The following MRC1 variants were observed in gnomAD, a reference collection of about 807,000 sequenced individuals.
The protein encoded by MRC1 is mannose receptor C-type 1, also known as macrophage mannose receptor 1.
MRC1 carries 62 observed loss-of-function variants against 102.9 expected under a neutral mutation model. The ratio of observed to expected loss-of-function variants is 0.60; its 90% CI spans 0.49 to 0.74. The LOEUF is 0.74. Among genes scored for constraint, MRC1 ranks in the 30% least tolerant of loss-of-function variants. MRC1 has a pLI of 0.00. For missense variants in MRC1, 1,237 were observed against 862.8 expected (o/e 1.43, Z -5.43); for synonymous variants, 457 against 298.4 (o/e 1.53, Z -5.48).
At chr10:17,827,359 GA>G (rs1456594442) in intron 2 of MRC1, among the ~76,000 whole-genome samples, 182 bp from the exon 3 acceptor site, 6 of 53,576 alleles carry the variant, frequency 1.1e-4, no homozygotes, top group Middle Eastern at 0.017. Flanking sequence ...GAAGGAGAAG[GA>G]AAAAAAATAC....
intron 2 of MRC1, among the ~76,000 whole-genome samples, chr10:17,824,711 G>T (rs1838447241): frequency 1.1e-4 from 17 of 152,168 alleles, no homozygotes. Flanking sequence ...AAACTTGACG[G>T]AGTCAAATTC....
intron 8 of MRC1, among the ~76,000 whole-genome samples, chr10:17,853,913 A>T (rs562493745): frequency 6.6e-6 from 1 of 152,070 alleles, no homozygotes; most frequent in Non-Finnish European, 1.5e-5. Flanking sequence ...TGGGAATAAG[A>T]GCTGTACTTA....
chr10:17,846,095 A>T (rs1284724523), intron 6 of MRC1, among the ~76,000 whole-genome samples: 1 of 152,000 alleles, frequency 6.6e-6, no homozygotes, highest in Non-Finnish European at 1.5e-5. Flanking sequence ...TTTAGCAGAG[A>T]TGGTGTTTCG....
chr10:17,832,572 CA>C (rs1309617538), intron 3 of MRC1, among the ~76,000 whole-genome samples: 1 of 147,012 alleles, frequency 6.8e-6, no homozygotes, highest in Non-Finnish European at 1.5e-5. Flanking sequence ...ACAAAACAAA[CA>C]AAAAAAGTTT....
intron 22 of MRC1, among the ~76,000 whole-genome samples, chr10:17,886,016 G>C (rs1833588429): frequency 6.6e-6 from 1 of 152,100 alleles, no homozygotes; most frequent in Non-Finnish European, 1.5e-5. Flanking sequence ...AAAGTGTGAA[G>C]AAATAGAAGA....
Position 17,867,059 on chromosome 10 carries a change from A to C in MRC1, c.1983+298A>C, listed in dbSNP as rs941779971. Among the ~76,000 whole-genome samples, 190 of 150,138 alleles carry C rather than the reference A, an allele frequency of 1.3e-3. 1 individual carries two copies. Among genetic ancestry groups the C allele is most frequent in the African/African-American group, 4.4e-3 (178 of 40,760 alleles). On this transcript the variant is annotated intron_variant, in intron 12 of 29. Transcript: ENST00000569591. ...CTCTCCTTTCTCCCAGGCCTTCTAG[A>C]TCTGCCTCCCTCCATTCCCCCCTTG...
chr10:17,816,871 C>T (rs1838320370), intron 1 of MRC1, among the ~76,000 whole-genome samples: 1 of 152,104 alleles, frequency 6.6e-6, no homozygotes, highest in African/African-American at 2.4e-5. Context: ...GAACAATCAC[C>T]TTTAATAACC....
chr10:17,909,184 A>G, intron 28 of MRC1, 122 bp from the exon 29 acceptor site: 1 of 695,910 alleles, frequency 1.4e-6, no homozygotes. Context: ...ATATCATAAT[A>G]TCATATATCA....
rs1186225227 is a variant in MRC1, at chr10:17,851,523, A to G, written c.1250-1444A>G. On this transcript the variant is annotated intron_variant, in intron 7 of 29. Transcript: ENST00000569591. ...CAACTAATTGATAAAAATCAGCATG[A>G]CAACTTTACACTCACATCTTATATA... 3.3e-5 allele frequency among the ~76,000 whole-genome samples: 5 copies of G among 152,308 alleles called. No homozygotes were observed. The South Asian group carries it at 1.0e-3, about 32-fold the overall frequency.
chr10:17,810,287 G>A (rs1316075456), intron 1 of MRC1, among the ~76,000 whole-genome samples: 1 of 152,014 alleles, frequency 6.6e-6, no homozygotes, highest in African/African-American at 2.4e-5. Context: ...TTCATTCCTG[G>A]TTCTATTTGG....
intron 1 of MRC1, among the ~76,000 whole-genome samples, chr10:17,816,104 AGACT>A (rs1196246594): frequency 1.7e-4 from 26 of 152,320 alleles, no homozygotes; most frequent in Non-Finnish European, 2.9e-4. Flanking sequence ...TCTAAGCCTA[AGACT>A]GACTAACACC....
intron 6 of MRC1, among the ~76,000 whole-genome samples, chr10:17,847,731 T>G (rs1316052165): frequency 6.6e-6 from 1 of 152,250 alleles, no homozygotes; most frequent in African/African-American, 2.4e-5. Flanking sequence ...CTTCTGTGGC[T>G]GCCCCAGGGA....
intron 3 of MRC1, among the ~76,000 whole-genome samples, chr10:17,832,641 G>A (rs1239436179): frequency 1.3e-5 from 2 of 149,762 alleles, no homozygotes; most frequent in African/African-American, 5.0e-5. Flanking sequence ...AGGCTGGAGT[G>A]CAGTGACGCG....
At chr10:17,824,302 T>A (rs1360999661) in intron 2 of MRC1, among the ~76,000 whole-genome samples, 1 of 152,342 alleles carries the variant, frequency 6.6e-6, no homozygotes, top group Non-Finnish European at 1.5e-5. Flanking sequence ...CATTTTAGGT[T>A]TGGATACTTC....
At chr10:17,904,518 T>A (rs2130722336) in intron 26 of MRC1, among the ~76,000 whole-genome samples, 2 of 152,332 alleles carry the variant, frequency 1.3e-5, no homozygotes, top group African/African-American at 4.8e-5. Context: ...CCCTTCTCTC[T>A]CACAGATTTT....
At chr10:17,829,568 A>C (rs1433599825) in intron 3 of MRC1, among the ~76,000 whole-genome samples, 1 of 151,492 alleles carries the variant, frequency 6.6e-6, no homozygotes, top group Non-Finnish European at 1.5e-5. Context: ...TAGATGTCGA[A>C]TTTTGTATTC....
intron 3 of MRC1, among the ~76,000 whole-genome samples, chr10:17,830,900 A>AT (rs35578287): frequency 3.0e-5 from 4 of 135,418 alleles, no homozygotes; most frequent in East Asian, 4.1e-4. Flanking sequence ...ATATATATAT[A>AT]TTTTTGGAGA....
rs950650385 is a variant in MRC1, at chr10:17,809,393, G to C, written c.-73G>C. On this transcript the variant is annotated 5_prime_UTR_variant, in exon 1 of 30. Coordinates refer to ENST00000569591, the MANE Select transcript of MRC1 (RefSeq NM_002438.4). ...CTTGGATTAGGTGGAGAGGCAGTTG[G>C]GGGGCCTCGTTGTTTTGCGTCTTAG... is the stretch of plus-strand genomic sequence containing the variant. 3.5e-6 allele frequency: 3 copies of C among 858,196 alleles called. No individual in the cohort carries two copies. The highest frequency in any genetic ancestry group is 3.3e-5 in the African/African-American group (2 of 60,982). 53.2% of individuals were successfully genotyped at this position (858,196 alleles called of 1,614,324 possible).
At chr10:17,878,008 G>A (rs1220917198) in intron 18 of MRC1, 41 bp downstream of exon 18, 13 of 866,890 alleles carry the variant, frequency 1.5e-5, no homozygotes, top group African/African-American at 3.3e-5. Context: ...TTGGGTTAGT[G>A]TTCTGACCAA....
Sources: allele counts gnomAD v4.1 joint callset (sites outside exome capture counted in the v4.1 genomes callset), GRCh38; gene constraint gnomAD v4.1.1; transcripts MANE v1.5; gene names NCBI Gene and HGNC (gene_info 2026-07-23, HGNC 2026-07-21).